The following SNCAIP variants were observed in gnomAD, a reference collection of about 807,000 sequenced individuals.
The protein encoded by SNCAIP is synuclein alpha interacting protein.
In SNCAIP, 43 loss-of-function variants were observed where a neutral mutation model predicts 86.7. The ratio of observed to expected loss-of-function variants is 0.50; its 90% CI spans 0.39 to 0.64. SNCAIP has a LOEUF of 0.64. Among genes scored for constraint, SNCAIP ranks in the 30% least tolerant of loss-of-function variants. The probability of loss-of-function intolerance (pLI) is 0.00; values close to 1 mark genes in which losing one functional copy is unlikely to be tolerated. For synonymous variants in SNCAIP, 417 were observed against 427.2 expected (o/e 0.98, Z 0.29); for missense variants, 981 against 1,103.1 (o/e 0.89, Z 1.57).
intron 2 of SNCAIP, among the ~76,000 whole-genome samples, chr5:122,397,842 A>AT (rs1770942732): frequency 1.3e-5 from 2 of 152,032 alleles, no homozygotes; most frequent in Admixed American, 1.3e-4. Context: ...TACAAAAGAA[A>AT]CTGGAAAGAA....
intron 10 of SNCAIP, among the ~76,000 whole-genome samples, chr5:122,456,311 T>A (rs370713677): frequency 6.6e-6 from 1 of 152,144 alleles, no homozygotes; most frequent in Non-Finnish European, 1.5e-5. Flanking sequence ...TTTGCATAGA[T>A]CTTAAGGTTG....
At position 122,379,946 on chromosome 5, in the gene SNCAIP, A is replaced by G. The variant is rs944390188; in HGVS notation, c.-46-11143A>G. Among the ~76,000 whole-genome samples the G allele has an allele frequency of 5.3e-4, 80 of 152,214 alleles. 2 individuals are homozygous for G. The highest frequency in any genetic ancestry group is 8.8e-4 in the Non-Finnish European group (60 of 68,022). On this transcript the variant is annotated intron_variant, in intron 1 of 10. Transcript: ENST00000261368. Reference sequence around the variant, plus strand: ...GTGTTGCTGGATTCGGTTTGCCAGTATTTTATTGAGGATTTTTGCATCAAT... The same window carrying G: ...GTGTTGCTGGATTCGGTTTGCCAGTGTTTTATTGAGGATTTTTGCATCAAT...
intron 9 of SNCAIP, among the ~76,000 whole-genome samples, chr5:122,450,297 A>G (rs1315306340): frequency 6.6e-6 from 1 of 152,258 alleles, no homozygotes; most frequent in Non-Finnish European, 1.5e-5. Flanking sequence ...AAATTGATGT[A>G]TAAACAGTAA....
At position 122,451,329 on chromosome 5, in the gene SNCAIP, C is replaced by A; in HGVS notation, c.2482C>A (p.Pro828Thr). The change falls in exon 10 of 11, where the codon CCT becomes ACT. Residue 828 changes from proline to threonine, a missense_variant. Physicochemically the swap from Pro to Thr is conservative, Grantham distance 38. Coordinates refer to ENST00000261368, the MANE Select transcript of SNCAIP (RefSeq NM_005460.4). ...FEEPVVQMEQ[P>T]SLELNGEKDK... ...GGAGCCTGTGGTGCAGATGGAGCAG[C>A]CTAGCCTTGAACTGAATGGAGAAAA... The A allele has an allele frequency of 6.2e-7, 1 of 1,614,144 alleles. No individual in the cohort carries two copies. The highest frequency in any genetic ancestry group is 8.5e-7 in the Non-Finnish European group (1 of 1,180,012).
At chr5:122,334,350 C>A (rs190099947) in intron 1 of SNCAIP, among the ~76,000 whole-genome samples, 3 of 152,044 alleles carry the variant, frequency 2.0e-5, no homozygotes, top group African/African-American at 7.2e-5. Flanking sequence ...TGGCTGAGAT[C>A]TGAACCCTGG....
At chr5:122,414,725 T>G (rs1045446236) in intron 3 of SNCAIP, among the ~76,000 whole-genome samples, 16 of 152,228 alleles carry the variant, frequency 1.1e-4, no homozygotes, top group Non-Finnish European at 2.2e-4. Context: ...GGGAATAATT[T>G]AATTTCAATA....
intron 1 of SNCAIP, among the ~76,000 whole-genome samples, chr5:122,370,306 A>G (rs1013884520): frequency 1.3e-5 from 2 of 151,756 alleles, no homozygotes; most frequent in Admixed American, 6.6e-5. Flanking sequence ...AGTTTATTAC[A>G]TTGGATTATT....
At chr5:122,384,899 G>A (rs948801986) in intron 1 of SNCAIP, among the ~76,000 whole-genome samples, 4 of 152,136 alleles carry the variant, frequency 2.6e-5, no homozygotes, top group Admixed American at 1.3e-4. Context: ...CTTCAAGACC[G>A]CTTTGTAGAA....
At chr5:122,354,161 G>T (rs114013804) in intron 1 of SNCAIP, among the ~76,000 whole-genome samples, 47 of 152,234 alleles carry the variant, frequency 3.1e-4, no homozygotes, top group African/African-American at 1.0e-3. Context: ...GACCTGTCTG[G>T]ACTCAGTAGA....
intron 1 of SNCAIP, among the ~76,000 whole-genome samples, chr5:122,342,608 A>G (rs749740920): frequency 6.6e-5 from 10 of 152,158 alleles, no homozygotes; most frequent in Non-Finnish European, 1.2e-4. Context: ...ATTATCCCCA[A>G]TTTACAGATG....
At position 122,451,083 on chromosome 5, in the gene SNCAIP, C is replaced by T. The variant is rs1162419025; in HGVS notation, c.2236C>T (p.His746Tyr). ...CAAGGCCTCCAAATCCCTGGATGGC[C>T]ACAGCCCATCTCCCACCTCAGAGAG... ...SIKASKSLDG[H>Y]SPSPTSESSE... Residue 746 changes from histidine (H) to tyrosine (Y), a missense_variant, in exon 10 of 11, where the codon CAC becomes TAC. Transcript: ENST00000261368. The T allele has an allele frequency of 3.1e-6, 5 of 1,614,000 alleles. No homozygotes were observed. In the African/African-American group the frequency reaches 5.3e-5, roughly 17 times the overall value.
intron 3 of SNCAIP, among the ~76,000 whole-genome samples, chr5:122,412,001 C>T (rs1275559336): frequency 2.6e-5 from 4 of 152,152 alleles, no homozygotes; most frequent in African/African-American, 7.2e-5. Context: ...TCTCATGTGG[C>T]CTTCAAGGCC....
At chr5:122,430,243 T>C (rs554051442) in intron 5 of SNCAIP, among the ~76,000 whole-genome samples, 1 of 152,284 alleles carries the variant, frequency 6.6e-6, no homozygotes, top group East Asian at 1.9e-4. Context: ...CAGTGAAGCC[T>C]CCCTTGGCTC....
chr5:122,367,120 T>C (rs914391475), intron 1 of SNCAIP, among the ~76,000 whole-genome samples: 1 of 152,000 alleles, frequency 6.6e-6, no homozygotes. Context: ...TAAGTTTGAG[T>C]TGGGAGCCTA....
At chr5:122,353,796 C>T (rs1464420911) in intron 1 of SNCAIP, among the ~76,000 whole-genome samples, 1 of 152,162 alleles carries the variant, frequency 6.6e-6, no homozygotes, top group African/African-American at 2.4e-5. Context: ...TTTTTCTTCC[C>T]AGTCTCGGGT....
At chr5:122,453,830 G>A (rs1341642569) in intron 10 of SNCAIP, among the ~76,000 whole-genome samples, 2 of 150,792 alleles carry the variant, frequency 1.3e-5, no homozygotes, top group African/African-American at 2.4e-5. Flanking sequence ...CACGATCTTG[G>A]CTCACTGCAA....
intron 1 of SNCAIP, among the ~76,000 whole-genome samples, chr5:122,379,787 A>G (rs1468327615): frequency 2.0e-5 from 3 of 147,306 alleles, no homozygotes; most frequent in African/African-American, 5.0e-5. Flanking sequence ...TTCTGCATCT[A>G]TTGAGATAAT....
intron 1 of SNCAIP, among the ~76,000 whole-genome samples, chr5:122,318,916 C>T (rs1351720254): frequency 6.7e-6 from 1 of 148,740 alleles, no homozygotes; most frequent in East Asian, 2.0e-4. Context: ...CAATTACTTT[C>T]TTATTTAGTT....
intron 7 of SNCAIP, chr5:122,444,057 C>T (rs767971231): frequency 2.8e-5 from 13 of 456,680 alleles, no homozygotes; most frequent in Non-Finnish European, 5.7e-5. Flanking sequence ...CACAGCCTCC[C>T]CACTCTCAGC....
Sources: allele counts gnomAD v4.1 joint callset (sites outside exome capture counted in the v4.1 genomes callset), GRCh38; gene constraint gnomAD v4.1.1; transcripts MANE v1.5; gene names NCBI Gene and HGNC (gene_info 2026-07-23, HGNC 2026-07-21).